The following OSBPL10 variants were observed in gnomAD, a reference collection of about 807,000 sequenced individuals.
OSBPL10 encodes oxysterol binding protein like 10.
Under a neutral mutation model 81.7 loss-of-function variants are expected in OSBPL10, and 49 were observed. The ratio of observed to expected loss-of-function variants is 0.60; its 90% CI spans 0.48 to 0.76. OSBPL10 has a LOEUF of 0.76. OSBPL10 is among the 30% of genes least tolerant of loss of function. The probability of loss-of-function intolerance (pLI) is 0.00; values close to 1 mark genes in which losing one functional copy is unlikely to be tolerated. For synonymous variants in OSBPL10, 419 were observed against 383.6 expected, an observed-to-expected ratio of 1.09 and a Z score of -1.08; for missense variants, 923 against 987.8, an observed-to-expected ratio of 0.93 and a Z score of 0.88.
At chr3:31,682,228 T>A (rs1700667704) in intron 8 of OSBPL10, among the ~76,000 whole-genome samples, 1 of 152,094 alleles carries the variant, frequency 6.6e-6, no homozygotes, top group Admixed American at 6.5e-5. Context: ...CCGCCCAGGG[T>A]CTGTTTTCAA....
chr3:32,072,277 G>GC (rs1214540206), intron 1 of OSBPL10, among the ~76,000 whole-genome samples: 2 of 152,190 alleles, frequency 1.3e-5, no homozygotes, highest in Non-Finnish European at 2.9e-5. Context: ...GTCATACACT[G>GC]CAAGGGCCAC....
chr3:31,865,642 T>G (rs1057336627), intron 3 of OSBPL10, among the ~76,000 whole-genome samples: 1 of 152,212 alleles, frequency 6.6e-6, no homozygotes, highest in African/African-American at 2.4e-5. Flanking sequence ...CTATGGTAGC[T>G]TGTTACAGAA....
At chr3:31,748,582 G>A (rs1697610319) in intron 4 of OSBPL10, among the ~76,000 whole-genome samples, 1 of 150,218 alleles carries the variant, frequency 6.7e-6, no homozygotes, top group Admixed American at 6.7e-5. Flanking sequence ...GAAATCTGGG[G>A]CTGGTGTTTG....
In OSBPL10 at chr3:31,724,436, ACT is replaced by A. The variant is rs1203654039; in HGVS notation, c.1095+8819_1095+8820del. On this transcript the variant is annotated intron_variant, in intron 6 of 11. Coordinates refer to ENST00000396556, the MANE Select transcript of OSBPL10 (RefSeq NM_017784.5). ...AACACTCCTAAGGCCGCTCCCAAAG[ACT>A]CTCTCAGTCCAGTGTCGAAACCCAT... Among the ~76,000 whole-genome samples the A allele has an allele frequency of 4.0e-5, 6 of 151,318 alleles. No homozygotes were observed. In the South Asian group the frequency reaches 6.3e-4, roughly 16 times the overall value.
At chr3:31,966,073 T>C (rs1344929024) in intron 1 of OSBPL10, among the ~76,000 whole-genome samples, 7 of 144,866 alleles carry the variant, frequency 4.8e-5, no homozygotes, top group African/African-American at 7.7e-5. Flanking sequence ...GGTGGGAGGA[T>C]TGCTTGAGGT....
At position 31,946,380 on chromosome 3, in the gene OSBPL10, A is replaced by G. The variant is rs143487347; in HGVS notation, c.281+34519T>C. ...AATTAAGAATTTAAGAAAAATTAAG[A>G]ATTTTATTAAGTTGTTTTTTATCAA... On this transcript the variant is annotated intron_variant, in intron 1 of 11. Transcript: ENST00000396556. 6.1e-3 allele frequency among the ~76,000 whole-genome samples: 901 copies of G among 147,624 alleles called. 11 individuals carry two copies. Among genetic ancestry groups the G allele is most frequent in the African/African-American group, 0.022 (860 of 38,972 alleles).
chr3:31,991,054 T>C (rs1699021996), intron 2 of OSBPL10: 3 of 1,359,980 alleles, frequency 2.2e-6, no homozygotes, highest in South Asian at 2.9e-5. Context: ...TAGCAAACCA[T>C]CAAGCATTAA....
chr3:32,011,136 C>T (rs1315505107), intron 2 of OSBPL10, among the ~76,000 whole-genome samples: 1 of 152,244 alleles, frequency 6.6e-6, no homozygotes, highest in Non-Finnish European at 1.5e-5. Flanking sequence ...AACAGGCAGA[C>T]TGCCTCCTCA....
chr3:32,071,827 A>T (rs1225267197), intron 1 of OSBPL10, among the ~76,000 whole-genome samples: 2 of 152,134 alleles, frequency 1.3e-5, no homozygotes, highest in African/African-American at 2.4e-5. Flanking sequence ...ATTGTTCCTG[A>T]TACCACACCT....
At chr3:32,018,125 G>A (rs1699331726) in intron 2 of OSBPL10, among the ~76,000 whole-genome samples, 1 of 150,504 alleles carries the variant, frequency 6.6e-6, no homozygotes, top group Admixed American at 6.7e-5. Context: ...TCCAACCTGG[G>A]CAACAAGAGT....
At chr3:31,751,055 C>T (rs1697701556) in intron 4 of OSBPL10, among the ~76,000 whole-genome samples, 1 of 152,110 alleles carries the variant, frequency 6.6e-6, no homozygotes, top group African/African-American at 2.4e-5. Context: ...CCTGTAATCC[C>T]AGCACTTTGG....
chr3:31,829,486 T>C (rs1700180545), intron 4 of OSBPL10, among the ~76,000 whole-genome samples: 1 of 152,194 alleles, frequency 6.6e-6, no homozygotes, highest in African/African-American at 2.4e-5. Context: ...CTGTTTTATT[T>C]CCATTTTACA....
intron 1 of OSBPL10, among the ~76,000 whole-genome samples, chr3:32,056,135 A>T (rs1699710761): frequency 1.3e-5 from 2 of 152,236 alleles, no homozygotes; most frequent in Non-Finnish European, 2.9e-5. Context: ...TAAGAACTGG[A>T]GAGAGAAAAA....
chr3:32,032,165 T>C (rs1575089159), intron 2 of OSBPL10, among the ~76,000 whole-genome samples: 1 of 152,092 alleles, frequency 6.6e-6, no homozygotes, highest in African/African-American at 2.4e-5. Flanking sequence ...ATGCCTGTAA[T>C]CCCAACACTT....
intron 4 of OSBPL10, chr3:31,797,836 C>A (rs1194430129): frequency 2.2e-6 from 1 of 455,296 alleles, no homozygotes; most frequent in African/African-American, 2.0e-5. Context: ...GCATACAAGC[C>A]TTCACCTATA....
chr3:31,756,500 G>GC (rs1697893925), intron 4 of OSBPL10, among the ~76,000 whole-genome samples: 2 of 152,188 alleles, frequency 1.3e-5, no homozygotes, highest in African/African-American at 4.8e-5. Context: ...CTGGAGATAA[G>GC]TGCTGTTAAC....
At chr3:31,914,198 G>C (rs1035131545) in intron 1 of OSBPL10, among the ~76,000 whole-genome samples, 12 of 152,208 alleles carry the variant, frequency 7.9e-5, no homozygotes, top group African/African-American at 2.9e-4. Flanking sequence ...TGGGATTACA[G>C]GCATGAGCCA....
chr3:32,051,515 T>C (rs765181082), intron 1 of OSBPL10, among the ~76,000 whole-genome samples: 2 of 152,172 alleles, frequency 1.3e-5, no homozygotes, highest in Non-Finnish European at 2.9e-5. Flanking sequence ...TGGTAAAATG[T>C]CCTCACCCCC....
At chr3:31,848,351 T>C (rs1700684818) in intron 3 of OSBPL10, among the ~76,000 whole-genome samples, 1 of 151,504 alleles carries the variant, frequency 6.6e-6, no homozygotes, top group Non-Finnish European at 1.5e-5. Context: ...CCCCCCCAGT[T>C]AGTTCAAATA....
Sources: allele counts gnomAD v4.1 joint callset (sites outside exome capture counted in the v4.1 genomes callset), GRCh38; gene constraint gnomAD v4.1.1; transcripts MANE v1.5; gene names NCBI Gene and HGNC (gene_info 2026-07-23, HGNC 2026-07-21).